Variants in CNTNAP2 observed in about 807,000 individuals in gnomAD.
The protein encoded by CNTNAP2 is contactin-associated protein-like 2.
In CNTNAP2, 98 loss-of-function variants were observed where a neutral mutation model predicts 155.2. The ratio of observed to expected loss-of-function variants is 0.63; its 90% CI spans 0.54 to 0.75. The LOEUF is 0.75. CNTNAP2 is among the 30% of genes least tolerant of loss of function. The pLI, the probability that CNTNAP2 is intolerant of heterozygous loss-of-function variation, is 0.00. For missense variants in CNTNAP2, 1,727 were observed against 1,688.1 expected (o/e 1.02, Z -0.40); for synonymous variants, 651 against 631.2 (o/e 1.03, Z -0.47).
At chr7:147,803,453 G>T (rs192380554) in intron 13 of CNTNAP2, among the ~76,000 whole-genome samples, 25 of 152,198 alleles carry the variant, frequency 1.6e-4, no homozygotes, top group African/African-American at 5.3e-4. Flanking sequence ...GTTAGAAACT[G>T]CATGTTCTCT....
At chr7:147,528,588 T>C (rs1799370911) in intron 11 of CNTNAP2, among the ~76,000 whole-genome samples, 1 of 152,190 alleles carries the variant, frequency 6.6e-6, no homozygotes, top group East Asian at 1.9e-4. Context: ...GACTAGCTTT[T>C]TCTGTTTTTC....
chr7:148,390,197 C>T (rs563447618), intron 22 of CNTNAP2, among the ~76,000 whole-genome samples: 34 of 152,288 alleles, frequency 2.2e-4, no homozygotes, highest in South Asian at 1.2e-3. Context: ...CCAGGCTCTC[C>T]GGCCATTTTA....
intron 14 of CNTNAP2, among the ~76,000 whole-genome samples, chr7:147,975,084 AT>A (rs1367826524): frequency 6.6e-6 from 1 of 151,358 alleles, no homozygotes; most frequent in African/African-American, 2.4e-5. Context: ...GTATAATACA[AT>A]TTTTTGTATT....
chr7:148,335,376 T>C (rs540192265), intron 21 of CNTNAP2, among the ~76,000 whole-genome samples: 2 of 152,264 alleles, frequency 1.3e-5, no homozygotes, highest in African/African-American at 4.8e-5. Context: ...TTTCTCATGA[T>C]GGGAGTCTCC....
At chr7:148,317,461 C>G (rs1280110928) in intron 21 of CNTNAP2, among the ~76,000 whole-genome samples, 1 of 152,062 alleles carries the variant, frequency 6.6e-6, no homozygotes, top group Non-Finnish European at 1.5e-5. Flanking sequence ...CTTTGGAAGG[C>G]TGAGATGGGA....
chr7:148,274,408 C>G (rs1490262530), intron 21 of CNTNAP2, among the ~76,000 whole-genome samples: 1 of 152,122 alleles, frequency 6.6e-6, no homozygotes, highest in Non-Finnish European at 1.5e-5. Context: ...GGATATTTGT[C>G]CCCACCAAAA....
At chr7:147,868,615 G>A (rs2116697640) in intron 13 of CNTNAP2, among the ~76,000 whole-genome samples, 1 of 152,314 alleles carries the variant, frequency 6.6e-6, no homozygotes, top group East Asian at 1.9e-4. Context: ...GCTGAGCTGT[G>A]GTGGGCTCTA....
chr7:148,253,072 G>GATAGATAGATAA (rs1796397327), intron 20 of CNTNAP2, among the ~76,000 whole-genome samples: 1 of 152,034 alleles, frequency 6.6e-6, no homozygotes, highest in Non-Finnish European at 1.5e-5. Context: ...TAGATAGATA[G>GATAGATAGATAA]ATATTGATTG....
intron 1 of CNTNAP2, among the ~76,000 whole-genome samples, chr7:146,291,945 A>G (rs1322951552): frequency 2.6e-5 from 4 of 152,328 alleles, no homozygotes; most frequent in East Asian, 3.9e-4. Flanking sequence ...AGACAGCCCT[A>G]TGGATTGGGA....
At chr7:147,569,976 T>A (rs186164797) in intron 12 of CNTNAP2, among the ~76,000 whole-genome samples, 50 of 152,334 alleles carry the variant, frequency 3.3e-4, no homozygotes, top group Non-Finnish European at 3.1e-4. Flanking sequence ...CTATTCTTAT[T>A]GTCTATTGGC....
At chr7:147,111,839 G>T (rs1219805927) in intron 5 of CNTNAP2, among the ~76,000 whole-genome samples, 2 of 152,006 alleles carry the variant, frequency 1.3e-5, no homozygotes, top group African/African-American at 2.4e-5. Flanking sequence ...GGATTGTGTT[G>T]GCCATTGGAC....
At chr7:146,615,961 G>C (rs1276944847) in intron 1 of CNTNAP2, among the ~76,000 whole-genome samples, 1 of 152,156 alleles carries the variant, frequency 6.6e-6, no homozygotes, top group African/African-American at 2.4e-5. Context: ...ATTTGCTCAA[G>C]TTCTTCTGGG....
At chr7:148,379,878 C>G (rs1374933073) in intron 21 of CNTNAP2, among the ~76,000 whole-genome samples, 1 of 152,326 alleles carries the variant, frequency 6.6e-6, no homozygotes, top group Admixed American at 6.5e-5. Flanking sequence ...TCTTTCATTT[C>G]TCACAACACT....
At chr7:148,121,073 C>T (rs932641690) in intron 16 of CNTNAP2, among the ~76,000 whole-genome samples, 5 of 151,930 alleles carry the variant, frequency 3.3e-5, no homozygotes, top group African/African-American at 4.8e-5. Flanking sequence ...CTCGCTCTGT[C>T]GCCCAGGCTG....
intron 21 of CNTNAP2, among the ~76,000 whole-genome samples, chr7:148,349,531 A>G (rs1798389440): frequency 6.6e-6 from 1 of 151,172 alleles, no homozygotes; most frequent in Admixed American, 6.6e-5. Context: ...TCTCCCGAGT[A>G]GCTGGGACTA....
At chr7:147,812,590 C>T (rs1413223848) in intron 13 of CNTNAP2, among the ~76,000 whole-genome samples, 1 of 152,066 alleles carries the variant, frequency 6.6e-6, no homozygotes, top group Non-Finnish European at 1.5e-5. Context: ...CTGCCCCCTC[C>T]CCACCCTATC....
At chr7:146,886,883 A>G (rs1049742337) in intron 3 of CNTNAP2, among the ~76,000 whole-genome samples, 8 of 150,024 alleles carry the variant, frequency 5.3e-5, no homozygotes, top group Admixed American at 4.0e-4. Context: ...TTTTCAAGCA[A>G]CTCTTCTTGC....
intron 11 of CNTNAP2, among the ~76,000 whole-genome samples, chr7:147,554,355 A>T (rs1261900448): frequency 1.3e-5 from 2 of 151,928 alleles, no homozygotes; most frequent in African/African-American, 4.8e-5. Context: ...TGTGACTGGC[A>T]TTGCAATAGT....
At chr7:146,773,621 C>T (rs373688402) in intron 1 of CNTNAP2, among the ~76,000 whole-genome samples, 5 of 152,112 alleles carry the variant, frequency 3.3e-5, no homozygotes, top group African/African-American at 7.2e-5. Context: ...CTTGAACTCC[C>T]GACCTCAGGT....
Sources: allele counts gnomAD v4.1 joint callset (sites outside exome capture counted in the v4.1 genomes callset), GRCh38; gene constraint gnomAD v4.1.1; transcripts MANE v1.5; gene names NCBI Gene and HGNC (gene_info 2026-07-23, HGNC 2026-07-21).